ALOX12B: variants seen among roughly 807,000 people sequenced by gnomAD.
ALOX12B encodes arachidonate 12-lipoxygenase, 12R-type.
A neutral mutation model predicts 78.9 loss-of-function variants in ALOX12B; 47 were observed. The observed-to-expected ratio is 0.60, with a 90% CI of 0.47 to 0.76. ALOX12B has a LOEUF of 0.76. Among genes scored for constraint, ALOX12B ranks in the 30% least tolerant of loss-of-function variants. The probability of loss-of-function intolerance (pLI) is 0.00; values close to 1 mark genes in which losing one functional copy is unlikely to be tolerated. For missense variants in ALOX12B, 805 were observed against 922.6 expected, an observed-to-expected ratio of 0.87 and a Z score of 1.65; for synonymous variants, 370 against 374.5, an observed-to-expected ratio of 0.99 and a Z score of 0.14.
intron 2 of ALOX12B, 149 bp downstream of exon 2, chr17:8,085,867 A>C: frequency 1.1e-6 from 1 of 916,546 alleles, no homozygotes; most frequent in Non-Finnish European, 1.7e-6. Context: ...GACTGAGGGA[A>C]ATGTGTGACA....
At chr17:8,076,577 T>C (rs1977087113) in intron 10 of ALOX12B, 80 bp downstream of exon 10, 1 of 1,470,504 alleles carries the variant, frequency 6.8e-7, no homozygotes, top group Middle Eastern at 1.7e-4. Context: ...CAAAGGCAAA[T>C]GGGAAGTCCT....
At chr17:8,073,060 C>A in intron 14 of ALOX12B, 88 bp downstream of exon 14, 1 of 1,606,160 alleles carries the variant, frequency 6.2e-7, no homozygotes, top group Admixed American at 1.7e-5. Context: ...TCACTCCCTG[C>A]TCCCCTCTTG....
chr17:8,087,279 C>G lies in ALOX12B; in HGVS notation c.147+17G>C, dbSNP rs1318585850. 6.2e-7 allele frequency: 1 copy of G among 1,611,626 alleles called. No individual in the cohort carries two copies. The highest frequency in any genetic ancestry group is 2.2e-5 in the East Asian group (1 of 44,868). Reference sequence around the variant, plus strand: ...ACACAGACACACACACACACACACACACACACACACTCTTACCGCCCCAGT... The same window carrying G: ...ACACAGACACACACACACACACACAGACACACACACTCTTACCGCCCCAGT... On this transcript the variant is annotated intron_variant, in intron 1 of 14. Coordinates refer to ENST00000647874, the MANE Select transcript of ALOX12B (RefSeq NM_001139.3).
At position 8,077,809 on chromosome 17, in the gene ALOX12B, T is replaced by C. The variant is rs368865277; in HGVS notation, c.1072-616A>G. Among the ~76,000 whole-genome samples, 9 of 152,306 alleles carry C rather than the reference T, an allele frequency of 5.9e-5. No individual in the cohort carries two copies. The East Asian group carries it at 1.5e-3, about 26-fold the overall frequency. On this transcript the variant is annotated intron_variant, in intron 8 of 14. Transcript: ENST00000647874. ...TTCAGGGATTGGTTTTCCAGGTGGA[T>C]GGATGGATGAAGTCAAAGAGACAAG... is the stretch of plus-strand genomic sequence containing the variant.
chr17:8,076,828 C>A (rs1977095372), intron 9 of ALOX12B, 85 bp from the exon 10 acceptor site: 1 of 1,472,112 alleles, frequency 6.8e-7, no homozygotes, highest in African/African-American at 1.4e-5. Context: ...AACGTCAGAT[C>A]TGCTCACTCT....
At chr17:8,073,004 C>T in intron 14 of ALOX12B, 54 bp from the exon 15 acceptor site, 1 of 1,595,570 alleles carries the variant, frequency 6.3e-7, no homozygotes, top group Non-Finnish European at 8.6e-7. Flanking sequence ...ACCCCCTCCT[C>T]CTGCCGGTGG....
chr17:8,075,161 G>A (rs536605982), intron 12 of ALOX12B, among the ~76,000 whole-genome samples: 1 of 152,282 alleles, frequency 6.6e-6, no homozygotes, highest in Admixed American at 6.5e-5. Flanking sequence ...TTGCACTGTG[G>A]ATGCTCACTG....
chr17:8,087,202 C>A (rs1978302139), intron 1 of ALOX12B, 94 bp downstream of exon 1: 1 of 1,550,624 alleles, frequency 6.4e-7, no homozygotes, highest in Admixed American at 1.8e-5. Flanking sequence ...CCTCCCGGGG[C>A]CACAAAGACA....
Position 8,081,037 on chromosome 17 carries a change from G to C in ALOX12B, c.435-61C>G, listed in dbSNP as rs759258183. ...TGCACCACCCCAGGGCAAAGGGCCA[G>C]AGCCATCACTGCCCCCCACCTCCCT... On this transcript the variant is annotated intron_variant, in intron 3 of 14. Coordinates refer to ENST00000647874, the MANE Select transcript of ALOX12B (RefSeq NM_001139.3). 494 of 1,613,056 alleles carry C rather than the reference G, an allele frequency of 3.1e-4. 1 individual carries two copies. The highest frequency in any genetic ancestry group is 4.0e-4 in the Non-Finnish European group (466 of 1,179,454).
intron 12 of ALOX12B, among the ~76,000 whole-genome samples, chr17:8,074,919 G>A (rs769624565): frequency 6.6e-6 from 1 of 152,206 alleles, no homozygotes; most frequent in Admixed American, 6.5e-5. Flanking sequence ...CCATCCTGCA[G>A]ATCTTAGCTA....
chr17:8,078,142 T>TA (rs1489971457), intron 8 of ALOX12B, among the ~76,000 whole-genome samples: 3 of 150,544 alleles, frequency 2.0e-5, no homozygotes, highest in East Asian at 3.9e-4. Flanking sequence ...TTTATTTATT[T>TA]ATTTATTTAT....
At position 8,080,397 on chromosome 17, in the gene ALOX12B, C is replaced by T. The variant is rs751949471; in HGVS notation, c.651-59G>A. ...AGGGGCTGCCAAGCGCCGGCTGGGG[C>T]AGGTGGCGGGGCCGCCCCATCCACT... On this transcript the variant is annotated intron_variant, in intron 5 of 14. Transcript: ENST00000647874. The surrounding 1 kb of genome is among the most constrained non-coding windows in gnomAD (Gnocchi z 4.8). 6 of 1,592,388 alleles carry T rather than the reference C, an allele frequency of 3.8e-6. No homozygotes were observed. Among genetic ancestry groups the T allele is most frequent in the Non-Finnish European group, 5.2e-6 (6 of 1,160,730 alleles).
At chr17:8,078,431 T>A (rs533711753) in intron 8 of ALOX12B, among the ~76,000 whole-genome samples, 3 of 149,670 alleles carry the variant, frequency 2.0e-5, no homozygotes, top group Admixed American at 6.6e-5. Flanking sequence ...ATTACAGGCG[T>A]GAGCCACCAC....
At position 8,081,195 on chromosome 17, in the gene ALOX12B, G is replaced by A; in HGVS notation, c.353-8C>T. 6.2e-7 allele frequency: 1 copy of A among 1,613,670 alleles called. No individual in the cohort carries two copies. On this transcript the variant is annotated splice_region_variant and splice_polypyrimidine_tract_variant and intron_variant, in intron 2 of 14. Transcript: ENST00000647874. ...CATCTGCTGTTGTCTTTCCTGTAGGGAGACCAAGGAGAGGACTCAAGGGCT... is the reference window on the plus strand; with the variant it reads ...CATCTGCTGTTGTCTTTCCTGTAGGAAGACCAAGGAGAGGACTCAAGGGCT...
chr17:8,073,944 G>T (rs1484777811), intron 12 of ALOX12B, among the ~76,000 whole-genome samples, 187 bp from the exon 13 acceptor site: 1 of 152,178 alleles, frequency 6.6e-6, no homozygotes, highest in Admixed American at 6.5e-5. Flanking sequence ...CAGATCATAA[G>T]GCTGGGGACG....
chr17:8,074,821 T>C (rs1366117844), intron 12 of ALOX12B, among the ~76,000 whole-genome samples: 1 of 152,202 alleles, frequency 6.6e-6, no homozygotes, highest in Admixed American at 6.5e-5. Flanking sequence ...GAACTCCCTA[T>C]GCTCTCTCTG....
chr17:8,083,811 G>T (rs932287537), intron 2 of ALOX12B, among the ~76,000 whole-genome samples: 1 of 152,002 alleles, frequency 6.6e-6, no homozygotes, highest in Non-Finnish European at 1.5e-5. Context: ...ACCCTATGAA[G>T]TAGGTTCTGT....
chr17:8,073,276 G>A lies in ALOX12B; in HGVS notation c.1798C>T (p.Arg600Trp). The A allele has an allele frequency of 6.2e-7, 1 of 1,614,186 alleles. No individual in the cohort carries two copies. Among genetic ancestry groups the A allele is most frequent in the Non-Finnish European group, 8.5e-7 (1 of 1,180,034 alleles). ...CCCTTAGTCTGAATCGGTGGATTCC[G>A]CATGGACGCTGGGAAGTTGGGCATC... The part of the protein sequence containing the change: ...AWMPNFPASM[R>W]NPPIQTKGLT... Residue 600 changes from arginine to tryptophan, a missense_variant, in exon 14 of 15, where the codon CGG becomes TGG. Transcript: ENST00000647874.
In ALOX12B at chr17:8,076,980, A is replaced by C; in HGVS notation, c.1275+10T>G. 6.2e-7 allele frequency: 1 copy of C among 1,611,976 alleles called. No homozygotes were observed. Among genetic ancestry groups the C allele is most frequent in the South Asian group, 1.1e-5 (1 of 90,870 alleles). On this transcript the variant is annotated intron_variant, in intron 9 of 14. Transcript: ENST00000647874. ...ATGCCTGGGGGAGGCCCCTTCTCCC[A>C]AGCCCATACCTTGTAGAGGGGGTGG...
Sources: allele counts gnomAD v4.1 joint callset (sites outside exome capture counted in the v4.1 genomes callset), GRCh38; gene constraint gnomAD v4.1.1; non-coding constraint Gnocchi (gnomAD v3.1); transcripts MANE v1.5; gene names NCBI Gene and HGNC (gene_info 2026-07-23, HGNC 2026-07-21).